ZC3H14: variants seen among roughly 807,000 people sequenced by gnomAD.
ZC3H14 encodes zinc finger CCCH-type containing 14, also known as zinc finger CCCH domain-containing protein 14.
ZC3H14 carries 31 observed loss-of-function variants against 92.4 expected under a neutral mutation model. That is an observed-to-expected ratio of 0.34 (90% CI 0.25 to 0.45). The LOEUF (loss-of-function observed/expected upper bound fraction) is 0.45. Ranked by LOEUF, ZC3H14 falls within the 20% of genes least tolerant of loss-of-function variation. ZC3H14 has a pLI of 1.00. For synonymous variants in ZC3H14, 321 were observed against 300.9 expected, an observed-to-expected ratio of 1.07 and a Z score of -0.69; for missense variants, 781 against 897.3, an observed-to-expected ratio of 0.87 and a Z score of 1.66.
At position 88,626,806 on chromosome 14, in the gene ZC3H14, A is replaced by G; in HGVS notation, c.*15055A>G. 1 of 1,608,774 alleles carries G rather than the reference A, an allele frequency of 6.2e-7. No homozygotes were observed. Among genetic ancestry groups the G allele is most frequent in the Non-Finnish European group, 8.5e-7 (1 of 1,176,794 alleles). ...AAGGCAAGAGAATGTAAAGTAGTCA[A>G]AGTCACACTATGTGCATTTTAAGAG... On this transcript the variant is annotated 3_prime_UTR_variant, in exon 17 of 17. Transcript: ENST00000251038.
chr14:88,591,659 A>G (rs2083152362), intron 9 of ZC3H14: 1 of 152,242 alleles, frequency 6.6e-6, no homozygotes, highest in Admixed American at 6.5e-5. Context: ...CTCGGAGGGA[A>G]GAACTGCACT....
At chr14:88,575,000 G>A (rs960011721) in intron 7 of ZC3H14, 147 bp downstream of exon 7, 14 of 1,247,696 alleles carry the variant, frequency 1.1e-5, no homozygotes, top group African/African-American at 4.5e-5. Context: ...GCAGTGCCAC[G>A]ATCTCGGCTC....
At chr14:88,601,360 T>G (rs1202353683) in intron 10 of ZC3H14, among the ~76,000 whole-genome samples, 2 of 152,256 alleles carry the variant, frequency 1.3e-5, no homozygotes, top group African/African-American at 2.4e-5. Context: ...AGCTTATGGT[T>G]ATTTGCATTA....
At chr14:88,592,166 CTT>C (rs1766962913) in intron 9 of ZC3H14, 1 of 132,130 alleles carries the variant, frequency 7.6e-6, no homozygotes, top group Admixed American at 7.7e-5. Context: ...TGTTAGACCT[CTT>C]TCCTGCTTTT....
chr14:88,612,582 T>C lies in ZC3H14; in HGVS notation c.*831T>C, dbSNP rs904708713. 3 of 152,642 alleles carry C rather than the reference T, an allele frequency of 2.0e-5. No homozygotes were observed. The highest frequency in any genetic ancestry group is 7.2e-5 in the African/African-American group (3 of 41,454). The allele number at this position is 152,642 out of a possible 1,614,324, so 9.5% of individuals were successfully genotyped here. ...AGTCACAAGATTATAAATGTACATA[T>C]ATATTCTCACATTCTGAAAAATAAC... On this transcript the variant is annotated 3_prime_UTR_variant, in exon 17 of 17. Coordinates refer to ENST00000251038, the MANE Select transcript of ZC3H14 (RefSeq NM_024824.5).
chr14:88,574,607 G>GTA, intron 6 of ZC3H14, 86 bp from the exon 7 acceptor site: 2 of 1,529,786 alleles, frequency 1.3e-6, no homozygotes, highest in Non-Finnish European at 1.8e-6. Context: ...ACTGTGTACT[G>GTA]TTTTTTTCTT....
At chr14:88,569,217 G>GT (rs1290361002) in intron 3 of ZC3H14, among the ~76,000 whole-genome samples, 2 of 152,072 alleles carry the variant, frequency 1.3e-5, no homozygotes, top group Non-Finnish European at 2.9e-5. Context: ...AGTTACAGAT[G>GT]TTTTTTTGAA....
Position 88,616,006 on chromosome 14 carries a change from G to C in ZC3H14, c.*4255G>C. Reference sequence around the variant, plus strand: ...TGTATTTGCATAAATATGAGATTCTGAAGAGCCATCTGGTTATACTACCTT... The same window carrying C: ...TGTATTTGCATAAATATGAGATTCTCAAGAGCCATCTGGTTATACTACCTT... On this transcript the variant is annotated 3_prime_UTR_variant, in exon 17 of 17. Transcript: ENST00000251038. The C allele has an allele frequency of 7.9e-7, 1 of 1,269,810 alleles. No homozygotes were observed. Among genetic ancestry groups the C allele is most frequent in the Non-Finnish European group, 1.1e-6 (1 of 898,160 alleles). The allele number at this position is 1,269,810 out of a possible 1,614,324, so 78.7% of individuals were successfully genotyped here. A position where few individuals can be genotyped will look rare whatever the true frequency, so the allele number is the denominator to read the frequency against.
At position 88,609,734 on chromosome 14, in the gene ZC3H14, T is replaced by C; in HGVS notation, c.2028T>C (p.Pro676=). 6.2e-7 allele frequency: 1 copy of C among 1,614,194 alleles called. No homozygotes were observed. Among genetic ancestry groups the C allele is most frequent in the Non-Finnish European group, 8.5e-7 (1 of 1,180,014 alleles). The change falls in exon 15 of 17, where the codon CCT becomes CCC. Residue 676 remains proline (P), a synonymous_variant. Coordinates refer to ENST00000251038, the MANE Select transcript of ZC3H14 (RefSeq NM_024824.5). The part of the protein sequence containing the change: ...PKPAVAPPAP[P]SSSQLCRYFP... ...TAGCAGTTGCACCACCAGCACCACCTTCCAGTAGTCAGCTCTGCCGTTACT... is the reference window on the plus strand; with the variant it reads ...TAGCAGTTGCACCACCAGCACCACCCTCCAGTAGTCAGCTCTGCCGTTACT...
At chr14:88,566,306 A>G (rs1217837671) in intron 2 of ZC3H14, among the ~76,000 whole-genome samples, 2 of 152,092 alleles carry the variant, frequency 1.3e-5, no homozygotes, top group African/African-American at 4.8e-5. Context: ...GATCAGTTCT[A>G]ATTTTGAACA....
intron 2 of ZC3H14, among the ~76,000 whole-genome samples, chr14:88,564,788 G>C (rs1353876579): frequency 1.3e-5 from 2 of 152,004 alleles, no homozygotes; most frequent in Non-Finnish European, 2.9e-5. Flanking sequence ...TATCTTCTTA[G>C]TATTCAGTGC....
chr14:88,601,378 G>C (rs1255136589), intron 10 of ZC3H14, among the ~76,000 whole-genome samples: 1 of 152,212 alleles, frequency 6.6e-6, no homozygotes, highest in Non-Finnish European at 1.5e-5. Context: ...TTAAAGGCCA[G>C]TGTTTTTCTT....
intron 9 of ZC3H14, among the ~76,000 whole-genome samples, chr14:88,588,823 C>G (rs1213297577): frequency 2.6e-5 from 4 of 152,030 alleles, no homozygotes; most frequent in Non-Finnish European, 5.9e-5. Flanking sequence ...TCTTGTTGGT[C>G]TACTCTTGAA....
rs542923397 is a variant in ZC3H14 at position 88,563,125 on chromosome 14, C to T, written c.-9C>T. On this transcript the variant is annotated 5_prime_UTR_variant, in exon 1 of 17. Coordinates refer to ENST00000251038, the MANE Select transcript of ZC3H14 (RefSeq NM_024824.5). ...CGCGCAGTGCTGAGTTCCCGCACGCCGCAGAGCCATGGAGATCGGCACCGA... is the reference window on the plus strand; with the variant it reads ...CGCGCAGTGCTGAGTTCCCGCACGCTGCAGAGCCATGGAGATCGGCACCGA... 28 of 1,591,892 alleles carry T rather than the reference C, an allele frequency of 1.8e-5. No homozygotes were observed. The African/African-American group carries it at 2.8e-4, about 16-fold the overall frequency.
chr14:88,580,058 C>T (rs1449472429), intron 9 of ZC3H14, among the ~76,000 whole-genome samples: 2 of 152,066 alleles, frequency 1.3e-5, no homozygotes, highest in African/African-American at 2.4e-5. Flanking sequence ...ATTAGCTGGG[C>T]AAGGTATACA....
chr14:88,596,884 T>A, intron 10 of ZC3H14, 76 bp downstream of exon 10: 2 of 1,224,874 alleles, frequency 1.6e-6, no homozygotes, highest in Non-Finnish European at 1.2e-6. Context: ...CCATTTAACG[T>A]ATCTCGGATC....
chr14:88,605,335 T>C (rs772989660), intron 12 of ZC3H14, among the ~76,000 whole-genome samples: 3 of 152,214 alleles, frequency 2.0e-5, no homozygotes, highest in Non-Finnish European at 2.9e-5. Flanking sequence ...AAATGACTTA[T>C]ACTGTTTTGT....
At chr14:88,596,361 AG>A in intron 9 of ZC3H14, among the ~76,000 whole-genome samples, 1 of 152,176 alleles carries the variant, frequency 6.6e-6, no homozygotes, top group African/African-American at 2.4e-5. Flanking sequence ...TGATGGAGGG[AG>A]GTGCTTGCCA....
Position 88,616,160 on chromosome 14 carries a change from G to A in ZC3H14, c.*4409G>A. ...TACTAACCTGCAGTCATCACCTCCAGCACTAACAACATGTCGATCACCACT... is the reference window on the plus strand; with the variant it reads ...TACTAACCTGCAGTCATCACCTCCAACACTAACAACATGTCGATCACCACT... On this transcript the variant is annotated 3_prime_UTR_variant, in exon 17 of 17. Coordinates refer to ENST00000251038, the MANE Select transcript of ZC3H14 (RefSeq NM_024824.5). 6.2e-7 allele frequency: 1 copy of A among 1,613,846 alleles called. No individual in the cohort carries two copies. Among genetic ancestry groups the A allele is most frequent in the Non-Finnish European group, 8.5e-7 (1 of 1,179,802 alleles).
Sources: allele counts gnomAD v4.1 joint callset (sites outside exome capture counted in the v4.1 genomes callset), GRCh38; gene constraint gnomAD v4.1.1; transcripts MANE v1.5; gene names NCBI Gene and HGNC (gene_info 2026-07-23, HGNC 2026-07-21).